Variants in SPAG16 observed in about 807,000 individuals in gnomAD.
SPAG16 encodes the protein sperm associated antigen 16, also known as sperm-associated antigen 16 protein.
SPAG16 carries 86 observed loss-of-function variants against 80.4 expected under a neutral mutation model. The ratio of observed to expected loss-of-function variants is 1.07; its 90% CI spans 0.90 to 1.28. The LOEUF (loss-of-function observed/expected upper bound fraction) is 1.28, where lower values mean the gene tolerates loss of function less well. Among genes scored for constraint, SPAG16 ranks in the 50% most tolerant of loss-of-function variants. The pLI is 0.00. For missense variants in SPAG16, 870 were observed against 765.3 expected, an observed-to-expected ratio of 1.14 and a Z score of -1.61; for synonymous variants, 294 against 265.9, an observed-to-expected ratio of 1.11 and a Z score of -1.03.
At chr2:214,031,534 A>T (rs2048412306) in intron 13 of SPAG16, among the ~76,000 whole-genome samples, 1 of 146,120 alleles carries the variant, frequency 6.8e-6, no homozygotes. Flanking sequence ...AGCATGGCAC[A>T]TGTATACATA....
At chr2:214,377,780 AT>A (rs1700217067) in intron 15 of SPAG16, among the ~76,000 whole-genome samples, 3 of 152,186 alleles carry the variant, frequency 2.0e-5, no homozygotes, top group Non-Finnish European at 4.4e-5. Context: ...GACCACAAAG[AT>A]CTCTCTTAGG....
At chr2:214,199,024 T>G (rs999804834) in intron 15 of SPAG16, among the ~76,000 whole-genome samples, 1 of 152,294 alleles carries the variant, frequency 6.6e-6, no homozygotes, top group Admixed American at 6.5e-5. Flanking sequence ...ATGTGTAGTT[T>G]GTGAATATTT....
At chr2:214,136,487 G>C (rs184146882) in intron 14 of SPAG16, among the ~76,000 whole-genome samples, 1 of 152,252 alleles carries the variant, frequency 6.6e-6, no homozygotes, top group African/African-American at 2.4e-5. Flanking sequence ...GCTGTGTTGT[G>C]TACTTTAGCT....
intron 15 of SPAG16, among the ~76,000 whole-genome samples, chr2:214,387,995 T>C (rs146901411): frequency 6.6e-6 from 1 of 152,120 alleles, no homozygotes; most frequent in Admixed American, 6.5e-5. Context: ...ATGAAAAAAA[T>C]ACCTACTATT....
chr2:213,308,527 C>T (rs1397393851), intron 3 of SPAG16, among the ~76,000 whole-genome samples: 1 of 152,046 alleles, frequency 6.6e-6, no homozygotes, highest in Admixed American at 6.6e-5. Context: ...TGAGGATAGC[C>T]ACCTGGGAAA....
chr2:214,238,295 C>CT (rs1436137119), intron 15 of SPAG16: 1 of 246,938 alleles, frequency 4.0e-6, no homozygotes, highest in Non-Finnish European at 8.2e-6. Flanking sequence ...AGTTAGCACC[C>CT]TTTCACCATT....
At chr2:213,646,760 G>A (rs928038796) in intron 10 of SPAG16, among the ~76,000 whole-genome samples, 1 of 152,190 alleles carries the variant, frequency 6.6e-6, no homozygotes, top group Non-Finnish European at 1.5e-5. Context: ...TTTGGCTGTA[G>A]ATCCAGGGGA....
At chr2:213,531,359 A>AGTGTATGT (rs1553558588) in intron 10 of SPAG16, among the ~76,000 whole-genome samples, 1 of 142,018 alleles carries the variant, frequency 7.0e-6, no homozygotes, top group African/African-American at 2.6e-5. Context: ...AAAAGATGTG[A>AGTGTATGT]GTGTGTGTGT....
chr2:214,232,345 G>T (rs1313750082), intron 15 of SPAG16, among the ~76,000 whole-genome samples: 1 of 151,784 alleles, frequency 6.6e-6, no homozygotes, highest in African/African-American at 2.4e-5. Flanking sequence ...ATCCAAACTT[G>T]TCATAAAGTT....
intron 9 of SPAG16, among the ~76,000 whole-genome samples, chr2:213,446,408 A>G (rs900712743): frequency 6.6e-6 from 1 of 152,242 alleles, no homozygotes; most frequent in African/African-American, 2.4e-5. Flanking sequence ...ACTGAACTTC[A>G]GGAAATGAAA....
intron 15 of SPAG16, chr2:214,239,719 T>G (rs1209716444): frequency 1.3e-5 from 2 of 152,116 alleles, no homozygotes; most frequent in African/African-American, 4.8e-5. Context: ...GCACTGGAGC[T>G]GGAGACAGGG....
At chr2:214,297,480 C>G (rs975225153) in intron 15 of SPAG16, among the ~76,000 whole-genome samples, 1 of 151,928 alleles carries the variant, frequency 6.6e-6, no homozygotes, top group Non-Finnish European at 1.5e-5. Flanking sequence ...TAATCTACCT[C>G]GAGTTAATTC....
chr2:213,702,038 GCT>G (rs2065456058), intron 10 of SPAG16, among the ~76,000 whole-genome samples: 1 of 151,880 alleles, frequency 6.6e-6, no homozygotes, highest in Admixed American at 6.6e-5. Flanking sequence ...ACTAATCAAT[GCT>G]CTGTGTCTAG....
At chr2:213,519,036 T>C (rs1040822874) in intron 10 of SPAG16, among the ~76,000 whole-genome samples, 5 of 152,130 alleles carry the variant, frequency 3.3e-5, no homozygotes, top group Non-Finnish European at 5.9e-5. Flanking sequence ...CACATAGACG[T>C]AAACTTGGGA....
At chr2:213,967,981 G>T (rs2044794228) in intron 12 of SPAG16, among the ~76,000 whole-genome samples, 1 of 152,132 alleles carries the variant, frequency 6.6e-6, no homozygotes, top group Non-Finnish European at 1.5e-5. Context: ...ATGTGTAAAG[G>T]TAGAATACTT....
intron 11 of SPAG16, among the ~76,000 whole-genome samples, chr2:213,918,126 G>A (rs1305627246): frequency 1.3e-5 from 2 of 152,114 alleles, no homozygotes; most frequent in African/African-American, 4.8e-5. Flanking sequence ...AGCCTACTTG[G>A]TCATGATGGA....
At chr2:213,611,219 C>A (rs777121405) in intron 10 of SPAG16, among the ~76,000 whole-genome samples, 19 of 152,256 alleles carry the variant, frequency 1.2e-4, no homozygotes, top group Middle Eastern at 6.8e-3. Context: ...CCATTAATTT[C>A]CTTTTGTAAC....
rs143991707 is a variant in SPAG16, at chr2:213,954,916, G to A, written c.1400+24771G>A. 2.8e-4 allele frequency among the ~76,000 whole-genome samples: 43 copies of A among 152,172 alleles called. No homozygotes were observed. The East Asian group carries it at 3.3e-3, about 12-fold the overall frequency. ...TAATTTGCATTTTCCTGATAGTAAC[G>A]TTGTGTTTTCCATTCACATTTTATT... On this transcript the variant is annotated intron_variant, in intron 12 of 15. Transcript: ENST00000331683.
intron 15 of SPAG16, among the ~76,000 whole-genome samples, chr2:214,322,440 A>G (rs1696162370): frequency 6.6e-6 from 1 of 151,622 alleles, no homozygotes; most frequent in Admixed American, 6.6e-5. Context: ...AAGAGATAAA[A>G]TTGCCTTAAT....
Sources: gnomAD v4.1 joint callset for allele counts (sites outside exome capture counted in the v4.1 genomes callset) on GRCh38, gnomAD v4.1.1 for gene constraint, MANE v1.5 for transcripts, NCBI Gene and HGNC (gene_info 2026-07-23, HGNC 2026-07-21) for gene names.